The following RGS20 variants were observed in gnomAD, a reference collection of about 807,000 sequenced individuals.
RGS20 encodes regulator of G protein signaling 20.
In RGS20, 30 loss-of-function variants were observed where a neutral mutation model predicts 33.6. That is an observed-to-expected ratio of 0.89 (90% CI 0.67 to 1.21). The LOEUF (loss-of-function observed/expected upper bound fraction) is 1.21, where lower values mean the gene tolerates loss of function less well. Ranked by LOEUF, RGS20 falls within the 50% of genes most tolerant of loss-of-function variation. RGS20 has a pLI of 0.00. For missense variants in RGS20, 472 were observed against 502.4 expected, an observed-to-expected ratio of 0.94 and a Z score of 0.58; for synonymous variants, 208 against 197.9, an observed-to-expected ratio of 1.05 and a Z score of -0.43.
chr8:53,869,576 T>C (rs1161378095), intron 1 of RGS20, among the ~76,000 whole-genome samples: 1 of 152,016 alleles, frequency 6.6e-6, no homozygotes, highest in Non-Finnish European at 1.5e-5. Context: ...CTCGGGAGGC[T>C]GAGGCAGGAG....
At chr8:53,889,001 A>G (rs1168514409) in intron 2 of RGS20, among the ~76,000 whole-genome samples, 1 of 152,234 alleles carries the variant, frequency 6.6e-6, no homozygotes, top group African/African-American at 2.4e-5. Context: ...ATTATGAATA[A>G]TGCTAATATG....
At position 53,921,671 on chromosome 8, in the gene RGS20, A is replaced by G. The variant is rs542654752; in HGVS notation, c.511-17905A>G. ...ACAGTATTCCATTATCGTTCTTTTT[A>G]TTTCTGTAAGATCAGTAGTAATTTC... On this transcript the variant is annotated intron_variant, in intron 2 of 5. Coordinates refer to ENST00000297313, the MANE Select transcript of RGS20 (RefSeq NM_170587.4). Among the ~76,000 whole-genome samples, 7 of 151,296 alleles carry G rather than the reference A, an allele frequency of 4.6e-5. No homozygotes were observed. In the South Asian group the frequency reaches 1.5e-3, roughly 32 times the overall value.
chr8:53,855,097 C>T (rs1223030354), intron 1 of RGS20, among the ~76,000 whole-genome samples: 1 of 152,058 alleles, frequency 6.6e-6, no homozygotes, highest in African/African-American at 2.4e-5. Flanking sequence ...CGGAGTCTTG[C>T]TCTGTCGCCC....
At chr8:53,926,360 C>T (rs950754635) in intron 2 of RGS20, among the ~76,000 whole-genome samples, 8 of 152,158 alleles carry the variant, frequency 5.3e-5, no homozygotes, top group African/African-American at 1.4e-4. Flanking sequence ...TTGAAGAAGG[C>T]TTTGAATTTA....
intron 1 of RGS20, among the ~76,000 whole-genome samples, chr8:53,875,033 C>T (rs1812168155): frequency 2.0e-5 from 3 of 152,110 alleles, no homozygotes. Context: ...TTCGCCTGAA[C>T]AAAAATAGTT....
chr8:53,935,398 C>G (rs192374506), intron 2 of RGS20, among the ~76,000 whole-genome samples: 2 of 152,074 alleles, frequency 1.3e-5, no homozygotes, highest in Non-Finnish European at 2.9e-5. Context: ...ATCAAATAGA[C>G]ACAATAAAAA....
At chr8:53,920,100 C>T (rs1046864954) in intron 2 of RGS20, among the ~76,000 whole-genome samples, 8 of 152,238 alleles carry the variant, frequency 5.3e-5, no homozygotes, top group Non-Finnish European at 7.4e-5. Context: ...ATCTTAAACT[C>T]CTGGGCTCAA....
rs187955782 is a variant in RGS20 at position 53,866,029 on chromosome 8, A to C, written c.166-13229A>C. Among the ~76,000 whole-genome samples the C allele has an allele frequency of 4.7e-3, 709 of 152,292 alleles. 7 individuals are homozygous for C. The highest frequency in any genetic ancestry group is 0.016 in the African/African-American group (660 of 41,550). On this transcript the variant is annotated intron_variant, in intron 1 of 5. Coordinates refer to ENST00000297313, the MANE Select transcript of RGS20 (RefSeq NM_170587.4). ...AGCATGCAGGCAACCCCAACGTGAGAGAGCTTCCTGAGGGAAATGGCATCT... is the reference window on the plus strand; with the variant it reads ...AGCATGCAGGCAACCCCAACGTGAGCGAGCTTCCTGAGGGAAATGGCATCT...
chr8:53,905,914 C>T (rs1813153065), intron 2 of RGS20, among the ~76,000 whole-genome samples: 1 of 152,158 alleles, frequency 6.6e-6, no homozygotes, highest in Admixed American at 6.5e-5. Flanking sequence ...AGATTTGTCC[C>T]TCTCCCCAAC....
intron 2 of RGS20, among the ~76,000 whole-genome samples, chr8:53,902,010 A>G (rs1198876048): frequency 2.0e-5 from 3 of 152,046 alleles, no homozygotes; most frequent in African/African-American, 7.2e-5. Context: ...TCACTTATCC[A>G]TTCTACTTTT....
intron 2 of RGS20, among the ~76,000 whole-genome samples, chr8:53,929,985 T>C (rs1217091308): frequency 4.6e-5 from 7 of 152,192 alleles, no homozygotes; most frequent in Non-Finnish European, 1.5e-5. Flanking sequence ...ACACATAGCA[T>C]ACATGTCAGC....
At chr8:53,928,472 T>G (rs1813863363) in intron 2 of RGS20, among the ~76,000 whole-genome samples, 1 of 152,206 alleles carries the variant, frequency 6.6e-6, no homozygotes, top group South Asian at 2.1e-4. Flanking sequence ...AAAATTATAG[T>G]TCAGTAAACA....
At chr8:53,930,588 G>A (rs144972322) in intron 2 of RGS20, among the ~76,000 whole-genome samples, 125 of 152,180 alleles carry the variant, frequency 8.2e-4, no homozygotes, top group Non-Finnish European at 1.5e-3. Context: ...CACTGTTGCC[G>A]AGGCTGGAGT....
At chr8:53,864,676 T>C (rs1811883041) in intron 1 of RGS20, among the ~76,000 whole-genome samples, 1 of 152,118 alleles carries the variant, frequency 6.6e-6, no homozygotes, top group Non-Finnish European at 1.5e-5. Flanking sequence ...AGTTGATTAG[T>C]AGATATAGAA....
At chr8:53,883,048 A>G (rs1241625136) in intron 2 of RGS20, among the ~76,000 whole-genome samples, 1 of 152,222 alleles carries the variant, frequency 6.6e-6, no homozygotes, top group African/African-American at 2.4e-5. Context: ...TTTTGGCACA[A>G]CCATAGTTTG....
intron 2 of RGS20, among the ~76,000 whole-genome samples, chr8:53,930,916 G>A (rs1269977184): frequency 6.6e-6 from 1 of 152,102 alleles, no homozygotes; most frequent in African/African-American, 2.4e-5. Flanking sequence ...GATTGTGCTG[G>A]CTTGTCCTGA....
chr8:53,853,139 G>A (rs1811602265), intron 1 of RGS20, among the ~76,000 whole-genome samples: 1 of 152,164 alleles, frequency 6.6e-6, no homozygotes, highest in African/African-American at 2.4e-5. Flanking sequence ...CTTAATGTAG[G>A]CGACACATGC....
At chr8:53,879,701 C>T (rs2129273929) in intron 2 of RGS20, 1 of 1,061,006 alleles carries the variant, frequency 9.4e-7, no homozygotes, top group East Asian at 3.1e-5. Context: ...TCCGCTGGGG[C>T]TAGCAGTAGG....
In RGS20 at chr8:53,939,487, T is replaced by TCAATGATC. The variant is rs1344856904; in HGVS notation, c.511-85_511-78dup. 3.0e-6 allele frequency: 4 copies of TCAATGATC among 1,334,956 alleles called. No homozygotes were observed. The African/African-American group carries it at 6.0e-5, about 20-fold the overall frequency. The allele number at this position is 1,334,956 out of a possible 1,614,324, so 82.7% of individuals were successfully genotyped here. A position where few individuals can be genotyped will look rare whatever the true frequency, so the allele number is the denominator to read the frequency against. On this transcript the variant is annotated intron_variant, in intron 2 of 5. Transcript: ENST00000297313. ...CTGAATGTAGTCGCACTGTATCTTT[T>TCAATGATC]CAATGATCCAAACAGCTGACTCCCT...
Sources: gnomAD v4.1 joint callset for allele counts (sites outside exome capture counted in the v4.1 genomes callset) on GRCh38, gnomAD v4.1.1 for gene constraint, MANE v1.5 for transcripts, NCBI Gene and HGNC (gene_info 2026-07-23, HGNC 2026-07-21) for gene names.